The following RXRA variants were observed in gnomAD, a reference collection of about 807,000 sequenced individuals.
RXRA encodes retinoid X receptor alpha, also known as retinoic acid receptor RXR-alpha.
A neutral mutation model predicts 44.5 loss-of-function variants in RXRA; 5 were observed. The ratio of observed to expected loss-of-function variants is 0.11; its 90% confidence interval spans 0.06 to 0.24. The LOEUF (loss-of-function observed/expected upper bound fraction) is 0.24, where lower values mean the gene tolerates loss of function less well. Ranked by LOEUF, RXRA falls within the 10% of genes least tolerant of loss-of-function variation. The pLI is 1.00. For missense variants in RXRA, 412 were observed against 646.5 expected, an observed-to-expected ratio of 0.64 and a Z score of 3.93; for synonymous variants, 291 against 271.4, an observed-to-expected ratio of 1.07 and a Z score of -0.71.
intron 8 of RXRA, among the ~76,000 whole-genome samples, chr9:134,432,899 G>A (rs771802464): frequency 5.9e-5 from 9 of 152,194 alleles, no homozygotes; most frequent in Non-Finnish European, 1.2e-4. Flanking sequence ...GCCACAGGGA[G>A]CCAAGTCCTG....
chr9:134,392,411 G>T (rs1454979150), intron 1 of RXRA, among the ~76,000 whole-genome samples: 2 of 152,202 alleles, frequency 1.3e-5, no homozygotes, highest in African/African-American at 4.8e-5. Context: ...ACTCTCCGGG[G>T]CCCCTTGGCA....
At chr9:134,344,272 C>T (rs1830122225) in intron 1 of RXRA, among the ~76,000 whole-genome samples, 1 of 152,186 alleles carries the variant, frequency 6.6e-6, no homozygotes, top group African/African-American at 2.4e-5. Context: ...TGGTGTGTCT[C>T]CTCCCTGGGT....
intron 1 of RXRA, among the ~76,000 whole-genome samples, chr9:134,392,985 G>C (rs1009346145): frequency 1.3e-5 from 2 of 151,402 alleles, no homozygotes; most frequent in Non-Finnish European, 1.5e-5. Context: ...GCTCGTCCCT[G>C]TTAGGGGCCA....
chr9:134,336,586 C>T (rs781921478), intron 1 of RXRA, among the ~76,000 whole-genome samples: 17 of 152,326 alleles, frequency 1.1e-4, no homozygotes, highest in South Asian at 4.1e-4. Context: ...CTGAATGGGC[C>T]CTGCTCCTCT....
chr9:134,339,331 G>A (rs1830053562), intron 1 of RXRA, among the ~76,000 whole-genome samples: 1 of 152,246 alleles, frequency 6.6e-6, no homozygotes, highest in Non-Finnish European at 1.5e-5. Flanking sequence ...CCGTGAGCCT[G>A]TGTGGGCTTA....
chr9:134,424,740 C>T (rs1366166457), intron 6 of RXRA: 2 of 985,356 alleles, frequency 2.0e-6, no homozygotes, highest in African/African-American at 1.7e-5. Context: ...TGGGTTAACT[C>T]CAAGGATACA....
intron 1 of RXRA, among the ~76,000 whole-genome samples, chr9:134,351,291 TC>T (rs1830218547): frequency 6.6e-6 from 1 of 152,180 alleles, no homozygotes; most frequent in Admixed American, 6.5e-5. Context: ...AGCGTCCTCC[TC>T]AGAGAAGGGG....
chr9:134,369,913 G>A (rs1192951304), intron 1 of RXRA, among the ~76,000 whole-genome samples: 1 of 152,198 alleles, frequency 6.6e-6, no homozygotes, highest in Admixed American at 6.5e-5. Context: ...CCCAGCATGT[G>A]TACTGTGTTT....
chr9:134,428,160 G>C (rs940374869), intron 6 of RXRA, among the ~76,000 whole-genome samples: 4 of 150,192 alleles, frequency 2.7e-5, no homozygotes, highest in Non-Finnish European at 4.5e-5. Flanking sequence ...TTACCTAACT[G>C]TCTGCCCCCC....
chr9:134,373,061 G>A (rs980662492), intron 1 of RXRA, among the ~76,000 whole-genome samples: 2 of 152,198 alleles, frequency 1.3e-5, no homozygotes, highest in Non-Finnish European at 2.9e-5. Flanking sequence ...CAGGGGAGGG[G>A]CCCTGGAGAC....
Position 134,401,391 on chromosome 9 carries a change from C to T in RXRA, c.29-241C>T, listed in dbSNP as rs932150671. ...CACAGCGGGTTCTTCCTGCGTCTGC[C>T]GCAGGCCCAGCCTAAAGCCGGGGTC... On this transcript the variant is annotated intron_variant, in intron 1 of 9. Transcript: ENST00000481739. The T allele has an allele frequency of 3.5e-5, 21 of 597,398 alleles. 1 individual carries two copies. In the East Asian group the frequency reaches 5.2e-4, roughly 15 times the overall value. 37.0% of individuals were successfully genotyped at this position (597,398 alleles called of 1,614,324 possible). A position where few individuals can be genotyped will look rare whatever the true frequency, so the allele number is the denominator to read the frequency against.
At chr9:134,416,663 G>A (rs1831240439) in intron 4 of RXRA, among the ~76,000 whole-genome samples, 1 of 151,760 alleles carries the variant, frequency 6.6e-6, no homozygotes, top group African/African-American at 2.4e-5. Context: ...CCCCGCCGCA[G>A]GTTCCCCTTG....
At chr9:134,400,548 C>T (rs1369919211) in intron 1 of RXRA, among the ~76,000 whole-genome samples, 2 of 152,218 alleles carry the variant, frequency 1.3e-5, no homozygotes, top group African/African-American at 2.4e-5. Context: ...GGCAGTGCCT[C>T]CAGCTCCCGG....
chr9:134,434,211 G>C lies in RXRA; in HGVS notation c.1241+4G>C. 1 of 1,607,816 alleles carries C rather than the reference G, an allele frequency of 6.2e-7. No homozygotes were observed. The highest frequency in any genetic ancestry group is 8.5e-7 in the Non-Finnish European group (1 of 1,174,752). On this transcript the variant is annotated splice_donor_region_variant and intron_variant, in intron 9 of 9. Coordinates refer to ENST00000481739, the MANE Select transcript of RXRA (RefSeq NM_002957.6). ...AGTACCCAGAGCAGCCGGGAAGGTGGGTCCCGCCCCGTCCCACACACACCC... is the reference window on the plus strand; with the variant it reads ...AGTACCCAGAGCAGCCGGGAAGGTGCGTCCCGCCCCGTCCCACACACACCC...
intron 5 of RXRA, among the ~76,000 whole-genome samples, chr9:134,421,275 C>G (rs1831325868): frequency 6.6e-6 from 1 of 152,308 alleles, no homozygotes; most frequent in South Asian, 2.1e-4. Context: ...GGGAGTCTGC[C>G]CTGGCCTCTG....
chr9:134,423,171 C>T (rs138244326), intron 6 of RXRA: 26 of 985,372 alleles, frequency 2.6e-5, no homozygotes, highest in East Asian at 1.1e-4. Context: ...CCGAGTCAGC[C>T]GGGGTAGCTG....
intron 1 of RXRA, among the ~76,000 whole-genome samples, chr9:134,367,457 A>T (rs1454403469): frequency 6.6e-6 from 1 of 152,158 alleles, no homozygotes; most frequent in Non-Finnish European, 1.5e-5. Context: ...ACATGCAGGG[A>T]CGACGTGCCA....
intron 6 of RXRA, chr9:134,423,633 C>T (rs973827819): frequency 1.4e-5 from 14 of 985,360 alleles, no homozygotes; most frequent in Admixed American, 6.1e-5. Flanking sequence ...CCGCTGGCCT[C>T]GTGTCTGGTG....
chr9:134,368,193 G>C (rs1830437888), intron 1 of RXRA, among the ~76,000 whole-genome samples: 1 of 152,228 alleles, frequency 6.6e-6, no homozygotes, highest in Admixed American at 6.5e-5. Context: ...CTCCCCGATG[G>C]ATGGTCAGTG....
Sources: gnomAD v4.1 joint callset for allele counts (sites outside exome capture counted in the v4.1 genomes callset) on GRCh38, gnomAD v4.1.1 for gene constraint, MANE v1.5 for transcripts, NCBI Gene and HGNC (gene_info 2026-07-23, HGNC 2026-07-21) for gene names.